Variants in ENTREP3 observed in about 807,000 individuals in gnomAD.
ENTREP3 encodes the protein endosomal transmembrane epsin interactor 3.
chr1:155,251,555 T>C, the ENTREP3 span: 1 of 1,613,974 alleles, frequency 6.2e-7, no homozygotes, highest in Non-Finnish European at 8.5e-7. Context: ...GGGCAATCGG[T>C]AGGGTACAAG....
At chr1:155,248,339 G>C in the ENTREP3 span, 25 of 1,613,776 alleles carry the variant, frequency 1.5e-5, no homozygotes, top group Non-Finnish European at 2.1e-5. Flanking sequence ...TGGTATTGTA[G>C]GGTGGAGAGG....
At chr1:155,251,874 A>C in the ENTREP3 span, 49 of 1,497,256 alleles carry the variant, frequency 3.3e-5, no homozygotes, top group Admixed American at 3.5e-4. Flanking sequence ...CAGAGGTCCC[A>C]GTGGGCCTGA....
chr1:155,253,950 G>A, the ENTREP3 span: 1 of 1,613,040 alleles, frequency 6.2e-7, no homozygotes, highest in South Asian at 1.1e-5. Flanking sequence ...GAGGGGAACA[G>A]AGGGACAGCA....
the ENTREP3 span, chr1:155,251,426 A>T: frequency 6.6e-6 from 7 of 1,059,308 alleles, no homozygotes; most frequent in South Asian, 4.1e-5. Flanking sequence ...ATCTTTATCC[A>T]GAGGCTACAG....
the ENTREP3 span, chr1:155,255,106 C>T: frequency 1.7e-6 from 1 of 592,190 alleles, no homozygotes; most frequent in Non-Finnish European, 3.0e-6. The surrounding 1 kb of genome is among the most constrained non-coding windows in gnomAD (Gnocchi z 5.6). Flanking sequence ...GGGCACTGGA[C>T]GGGCACCGTG....
chr1:155,247,980 A>G, the ENTREP3 span: 1 of 1,609,248 alleles, frequency 6.2e-7, no homozygotes, highest in Non-Finnish European at 8.5e-7. Flanking sequence ...AAGAAAGGGC[A>G]TCATCAATAA....
At chr1:155,251,983 A>C in the ENTREP3 span, 12 of 1,036,144 alleles carry the variant, frequency 1.2e-5, no homozygotes, top group Non-Finnish European at 1.5e-5. Flanking sequence ...CTCCTCTCTC[A>C]TCTACATTAT....
the ENTREP3 span, chr1:155,251,530 G>A: frequency 6.2e-7 from 1 of 1,613,850 alleles, no homozygotes; most frequent in Admixed American, 1.7e-5. Context: ...TCCCATGACT[G>A]CCTCATAAGA....
chr1:155,247,895 CT>C, the ENTREP3 span: 1 of 1,577,864 alleles, frequency 6.3e-7, no homozygotes, highest in South Asian at 1.2e-5. Context: ...GAGCTCAGAT[CT>C]CCGCAGCTGC....
At chr1:155,252,720 A>G in the ENTREP3 span, 1 of 29,504 alleles carries the variant, frequency 3.4e-5, no homozygotes, top group Non-Finnish European at 5.5e-5. Flanking sequence ...ATATATATAT[A>G]TATTTTTTTT....
the ENTREP3 span, chr1:155,251,816 G>A: frequency 6.3e-7 from 1 of 1,577,188 alleles, no homozygotes; most frequent in Non-Finnish European, 8.6e-7. Flanking sequence ...ATTCCTCCAG[G>A]TCCAGCATGG....
chr1:155,252,451 C>A, the ENTREP3 span, among the ~76,000 whole-genome samples: 2 of 151,130 alleles, frequency 1.3e-5, no homozygotes, highest in Admixed American at 6.6e-5. Context: ...CTCACTGCAA[C>A]CTCTGCCTCC....
the ENTREP3 span, chr1:155,254,377 G>A: frequency 6.8e-6 from 11 of 1,612,992 alleles, no homozygotes; most frequent in African/African-American, 1.5e-4. The surrounding 1 kb of genome is among the most constrained non-coding windows in gnomAD (Gnocchi z 4.4). Context: ...GCCTCCCAGT[G>A]GGCACTGGAC....
chr1:155,248,392 C>A, the ENTREP3 span: 1 of 1,614,084 alleles, frequency 6.2e-7, no homozygotes, highest in African/African-American at 1.3e-5. Context: ...GGGGCGCAAA[C>A]CACATGCCTG....
chr1:155,251,792 C>T, the ENTREP3 span: 1 of 1,592,906 alleles, frequency 6.3e-7, no homozygotes, highest in South Asian at 1.1e-5. Flanking sequence ...GCGGTGGGGG[C>T]ACAGGCGGGA....
the ENTREP3 span, chr1:155,247,841 G>GCTCCAGCCTGC: frequency 6.7e-7 from 1 of 1,491,738 alleles, no homozygotes; most frequent in Non-Finnish European, 8.9e-7. Context: ...CGGGTACCAC[G>GCTCCAGCCTGC]CTCCAGCCTG....
chr1:155,250,638 C>T, the ENTREP3 span: 2 of 1,611,272 alleles, frequency 1.2e-6, no homozygotes, highest in East Asian at 4.5e-5. The surrounding 1 kb of genome is among the most constrained non-coding windows in gnomAD (Gnocchi z 5.4). Context: ...GAAGGGGCCC[C>T]GCAGGCCACA....
At chr1:155,251,854 A>T in the ENTREP3 span, 2 of 1,524,808 alleles carry the variant, frequency 1.3e-6, no homozygotes, top group East Asian at 4.7e-5. Flanking sequence ...GGGGGCGGGG[A>T]CGTGCAGCCC....
the ENTREP3 span, chr1:155,254,517 C>T: frequency 6.3e-7 from 1 of 1,586,672 alleles, no homozygotes; most frequent in Non-Finnish European, 8.7e-7. The surrounding 1 kb of genome is among the most constrained non-coding windows in gnomAD (Gnocchi z 4.4). Flanking sequence ...GAGCCCCTCA[C>T]CACAGGATGC....
Sources: gnomAD v4.1 joint callset for allele counts (sites outside exome capture counted in the v4.1 genomes callset) on GRCh38, gnomAD v4.1.1 for gene constraint, Gnocchi (gnomAD v3.1) non-coding constraint, MANE v1.5 for transcripts, NCBI Gene and HGNC (gene_info 2026-07-23, HGNC 2026-07-21) for gene names.